Variants in TMEM132D observed in about 807,000 individuals in gnomAD.
TMEM132D encodes mature OL transmembrane protein.
In TMEM132D, 21 loss-of-function variants were observed where a neutral mutation model predicts 62.3. That is an observed-to-expected ratio of 0.34 (90% CI 0.24 to 0.49). TMEM132D has a LOEUF of 0.49. Among genes scored for constraint, TMEM132D ranks in the 20% least tolerant of loss-of-function variants. The probability of loss-of-function intolerance (pLI) is 0.99; values close to 1 mark genes in which losing one functional copy is unlikely to be tolerated. For synonymous variants in TMEM132D, 621 were observed against 575.6 expected (o/e 1.08, Z -1.13); for missense variants, 1,346 against 1,402.8 (o/e 0.96, Z 0.65).
At chr12:129,758,334 T>G (rs1347513186) in intron 1 of TMEM132D, among the ~76,000 whole-genome samples, 1 of 152,240 alleles carries the variant, frequency 6.6e-6, no homozygotes, top group Non-Finnish European at 1.5e-5. Context: ...TACTTATTCT[T>G]TATGATTCCA....
chr12:129,407,320 G>T (rs1028810380), intron 3 of TMEM132D, among the ~76,000 whole-genome samples: 1 of 152,106 alleles, frequency 6.6e-6, no homozygotes, highest in Non-Finnish European at 1.5e-5. Flanking sequence ...CACAACACTT[G>T]TAACACTCTT....
At chr12:129,697,153 C>A (rs763601800) in intron 2 of TMEM132D, among the ~76,000 whole-genome samples, 1 of 152,124 alleles carries the variant, frequency 6.6e-6, no homozygotes, top group East Asian at 1.9e-4. Flanking sequence ...GTAGCTGCTG[C>A]GTCAGTCCAT....
rs2135619412 is a variant in TMEM132D, at chr12:129,084,502, G to A, written c.1644C>T (p.Ser548=). 6.3e-7 allele frequency: 1 copy of A among 1,593,358 alleles called. No homozygotes were observed. Among genetic ancestry groups the A allele is most frequent in the Non-Finnish European group, 8.6e-7 (1 of 1,169,576 alleles). The part of the protein sequence containing the change: ...IKGWRVPIVS[S]RRPAGDSEEE... The stretch of plus-strand genomic sequence containing the variant: ...AGTTTCAGGGACATACCCACCTCCT[G>A]CTGGAGACGATGGGCACTCTCCAAC... Residue 548 remains serine, a synonymous_variant, in exon 6 of 9, where the codon AGC becomes AGT. Coordinates refer to ENST00000422113, the MANE Select transcript of TMEM132D (RefSeq NM_133448.3).
In TMEM132D at chr12:129,166,776, CATATATATATATATAT is replaced by C. The variant is rs59414458; in HGVS notation, c.1443+42728_1443+42743del. ...ATACACACACACATATATATATATA[CATATATATATATATAT>C]ATATATATATATATATATTTCAGTT... On this transcript the variant is annotated intron_variant, in intron 5 of 8. Transcript: ENST00000422113. 1.4e-4 allele frequency among the ~76,000 whole-genome samples: 13 copies of C among 95,414 alleles called. 1 individual carries two copies. Among genetic ancestry groups the C allele is most frequent in the Admixed American group, 5.4e-4 (5 of 9,176 alleles). 62.6% of individuals were successfully genotyped at this position (95,414 alleles called of 152,430 possible).
At chr12:129,172,825 A>G (rs1843693) in intron 5 of TMEM132D, among the ~76,000 whole-genome samples, 114,823 of 151,974 alleles carry the variant, frequency 0.76, 44,282 homozygotes, top group Non-Finnish European at 0.84. Flanking sequence ...CGATCCACCC[A>G]CCTCGGCCTC....
chr12:129,383,843 G>C (rs1336163512), intron 3 of TMEM132D, among the ~76,000 whole-genome samples: 1 of 152,168 alleles, frequency 6.6e-6, no homozygotes, highest in Non-Finnish European at 1.5e-5. Flanking sequence ...AAGTACAGAA[G>C]ACCGGGTCCC....
chr12:129,472,028 C>T (rs573920153), intron 3 of TMEM132D, among the ~76,000 whole-genome samples: 1 of 152,236 alleles, frequency 6.6e-6, no homozygotes, highest in Non-Finnish European at 1.5e-5. Context: ...CAAAGTGAAG[C>T]AGCAAGTGCT....
chr12:129,269,740 G>A (rs1817643068), intron 4 of TMEM132D, among the ~76,000 whole-genome samples: 1 of 152,126 alleles, frequency 6.6e-6, no homozygotes. Flanking sequence ...TTCCGCTCCA[G>A]CTCACTTGCA....
chr12:129,495,242 T>C (rs1874916575), intron 3 of TMEM132D, among the ~76,000 whole-genome samples: 1 of 152,042 alleles, frequency 6.6e-6, no homozygotes. Flanking sequence ...TTCAAGGATA[T>C]AAGCAACCCA....
chr12:129,138,284 C>T (rs1028531233), intron 5 of TMEM132D, among the ~76,000 whole-genome samples: 1 of 152,122 alleles, frequency 6.6e-6, no homozygotes, highest in African/African-American at 2.4e-5. Context: ...TAAATGTTGG[C>T]CACTATCCAA....
At chr12:129,639,859 C>G (rs1171059243) in intron 2 of TMEM132D, among the ~76,000 whole-genome samples, 1 of 152,050 alleles carries the variant, frequency 6.6e-6, no homozygotes, top group Non-Finnish European at 1.5e-5. Flanking sequence ...AGCTGAAGAC[C>G]ATGTCAAGAT....
chr12:129,852,069 T>C (rs1873561632), intron 1 of TMEM132D: 1 of 152,200 alleles, frequency 6.6e-6, no homozygotes, highest in Non-Finnish European at 1.5e-5. Flanking sequence ...ACTGATGTCA[T>C]GCCACCCACA....
chr12:129,290,387 T>C (rs1173355300), intron 4 of TMEM132D, among the ~76,000 whole-genome samples: 7 of 150,516 alleles, frequency 4.7e-5, no homozygotes, highest in Admixed American at 2.0e-4. Flanking sequence ...AAGTAACAGG[T>C]TATCGAAGCA....
chr12:129,679,406 C>T (rs1510817), intron 2 of TMEM132D, among the ~76,000 whole-genome samples: 42,873 of 151,892 alleles, frequency 0.28, 6,227 homozygotes, highest in Admixed American at 0.35. Flanking sequence ...TTCCTTAATA[C>T]AGCAAAATCA....
intron 1 of TMEM132D, among the ~76,000 whole-genome samples, chr12:129,705,829 A>G (rs1057236078): frequency 2.0e-5 from 3 of 152,170 alleles, no homozygotes; most frequent in Admixed American, 6.5e-5. Flanking sequence ...TCCAAACACT[A>G]TAAGTAATTT....
chr12:129,525,670 T>A (rs976087401), intron 3 of TMEM132D, among the ~76,000 whole-genome samples: 7 of 152,234 alleles, frequency 4.6e-5, no homozygotes, highest in African/African-American at 1.7e-4. Flanking sequence ...GGCATTGTTA[T>A]GCCAATATTA....
At chr12:129,387,562 G>A (rs938886231) in intron 3 of TMEM132D, among the ~76,000 whole-genome samples, 2 of 151,112 alleles carry the variant, frequency 1.3e-5, no homozygotes, top group African/African-American at 2.4e-5. Flanking sequence ...TAACACCAAC[G>A]CCAACACTAA....
chr12:129,118,515 G>C (rs1027317961), intron 5 of TMEM132D, among the ~76,000 whole-genome samples: 4 of 152,220 alleles, frequency 2.6e-5, no homozygotes, highest in African/African-American at 9.6e-5. Flanking sequence ...ATGGCACCAA[G>C]ACAGCTCCAG....
chr12:129,415,018 T>C (rs747816908), intron 3 of TMEM132D, among the ~76,000 whole-genome samples: 12 of 152,244 alleles, frequency 7.9e-5, no homozygotes, highest in Admixed American at 5.2e-4. Flanking sequence ...TCATGCTGAA[T>C]AAAATTCCAT....
Sources: allele counts gnomAD v4.1 joint callset (sites outside exome capture counted in the v4.1 genomes callset), GRCh38; gene constraint gnomAD v4.1.1; transcripts MANE v1.5; gene names NCBI Gene and HGNC (gene_info 2026-07-23, HGNC 2026-07-21).